GPCPD1: variants seen among roughly 807,000 people sequenced by gnomAD.
The protein encoded by GPCPD1 is glycerophosphocholine phosphodiesterase GPCPD1.
A neutral mutation model predicts 89.2 loss-of-function variants in GPCPD1; 29 were observed. The ratio of observed to expected loss-of-function variants is 0.33; its 90% CI spans 0.24 to 0.44. GPCPD1 has a LOEUF of 0.44. GPCPD1 is among the 20% of genes least tolerant of loss of function. GPCPD1 has a pLI of 1.00. For missense variants in GPCPD1, 594 were observed against 808.9 expected, an observed-to-expected ratio of 0.73 and a Z score of 3.22; for synonymous variants, 258 against 266.3, an observed-to-expected ratio of 0.97 and a Z score of 0.30.
intron 19 of GPCPD1, chr20:5,548,740 A>T (rs1415453478): frequency 8.1e-6 from 2 of 247,150 alleles, no homozygotes; most frequent in Non-Finnish European, 1.6e-5. Flanking sequence ...ATAAGAACTG[A>T]AAGTTTGTCA....
chr20:5,597,276 ATT>A (rs964464545), intron 3 of GPCPD1, among the ~76,000 whole-genome samples: 1 of 152,068 alleles, frequency 6.6e-6, no homozygotes, highest in Admixed American at 6.6e-5. Context: ...CATTACTGTT[ATT>A]TTTTTACTTT....
At chr20:5,604,805 A>ACACACACACACC (rs1195396382) in intron 1 of GPCPD1, among the ~76,000 whole-genome samples, 2 of 148,966 alleles carry the variant, frequency 1.3e-5, no homozygotes, top group African/African-American at 5.1e-5. Flanking sequence ...ACACACACAC[A>ACACACACACACC]CGCCAGGCAT....
intron 3 of GPCPD1, among the ~76,000 whole-genome samples, chr20:5,597,609 G>A (rs1023554551): frequency 2.0e-5 from 3 of 152,044 alleles, no homozygotes; most frequent in Non-Finnish European, 4.4e-5. Context: ...TCACCTAATC[G>A]GGCACTGGAT....
At chr20:5,610,556 C>T (rs1980896686) in intron 1 of GPCPD1, among the ~76,000 whole-genome samples, 1 of 152,222 alleles carries the variant, frequency 6.6e-6, no homozygotes, top group African/African-American at 2.4e-5. Flanking sequence ...CCTGCTACTC[C>T]TCAAATGCTC....
intron 4 of GPCPD1, among the ~76,000 whole-genome samples, chr20:5,588,371 G>A (rs1363336975): frequency 4.6e-5 from 7 of 151,648 alleles, no homozygotes; most frequent in Non-Finnish European, 8.8e-5. Flanking sequence ...TAGGTGTGGT[G>A]GCACACAACT....
chr20:5,586,134 TG>T (rs2122721182), intron 5 of GPCPD1, 59 bp downstream of exon 5: 1 of 777,510 alleles, frequency 1.3e-6, no homozygotes, highest in Non-Finnish European at 2.2e-6. Flanking sequence ...ACTAAGCCAT[TG>T]TGCAGCATAT....
chr20:5,602,986 T>TAAA (rs57455474), intron 2 of GPCPD1, among the ~76,000 whole-genome samples: 2 of 121,390 alleles, frequency 1.6e-5, no homozygotes, highest in Admixed American at 9.0e-5. Flanking sequence ...CCATCTCAAT[T>TAAA]AAAAAAAAAA....
chr20:5,590,521 C>A lies in GPCPD1; in HGVS notation c.231+2806G>T, dbSNP rs544101777. Among the ~76,000 whole-genome samples the A allele has an allele frequency of 5.8e-3, 462 of 80,036 alleles. 2 individuals are homozygous for A. Among genetic ancestry groups the A allele is most frequent in the African/African-American group, 0.024 (412 of 16,866 alleles). The allele number at this position is 80,036 out of a possible 152,430, so 52.5% of individuals were successfully genotyped here. On this transcript the variant is annotated intron_variant, in intron 4 of 19. Coordinates refer to ENST00000379019, the MANE Select transcript of GPCPD1 (RefSeq NM_019593.5). Reference sequence around the variant, plus strand: ...TCGTGCCACTGCACTCCAGCCTGGGCGACAGAACAAGACTCTGTCTCAAAA... The same window carrying A: ...TCGTGCCACTGCACTCCAGCCTGGGAGACAGAACAAGACTCTGTCTCAAAA...
Position 5,558,815 on chromosome 20 carries a change from G to C in GPCPD1, c.1537C>G (p.Arg513Gly), listed in dbSNP as rs770440181. The change falls in exon 18 of 20, where the codon CGG becomes GGG. Residue 513 changes from arginine (R) to glycine (G), a missense_variant. Arg to Gly is a moderately radical substitution (Grantham distance 125). Transcript: ENST00000379019. Reference sequence around the variant, plus strand: ...ATCGGATATTTGTTCTGCTTTTGCCGAACCCTGAAAAGAAACAATTTTAAA... The same window carrying C: ...ATCGGATATTTGTTCTGCTTTTGCCCAACCCTGAAAAGAAACAATTTTAAA... ...SFDADICTMVRQKQNKYPILF... is the reference protein window; with the variant it reads ...SFDADICTMVGQKQNKYPILF... 6.4e-7 allele frequency: 1 copy of C among 1,557,768 alleles called. No homozygotes were observed. Among genetic ancestry groups the C allele is most frequent in the Non-Finnish European group, 8.7e-7 (1 of 1,151,998 alleles).
chr20:5,577,490 GAA>G (rs763705757), intron 8 of GPCPD1, among the ~76,000 whole-genome samples: 3 of 59,790 alleles, frequency 5.0e-5, no homozygotes, highest in Non-Finnish European at 7.3e-5. Flanking sequence ...CCTCTCTCCA[GAA>G]AAAAAAAAAA....
At chr20:5,568,680 G>A (rs1479142119) in intron 12 of GPCPD1, among the ~76,000 whole-genome samples, 6 of 152,042 alleles carry the variant, frequency 3.9e-5, no homozygotes, top group Non-Finnish European at 7.4e-5. Flanking sequence ...TGAGATGGGC[G>A]GATCACCTGA....
At chr20:5,593,190 G>A in intron 4 of GPCPD1, 137 bp downstream of exon 4, 3 of 533,216 alleles carry the variant, frequency 5.6e-6, no homozygotes. Flanking sequence ...CTTGGTTTTG[G>A]TAAATTTTAT....
intron 19 of GPCPD1, among the ~76,000 whole-genome samples, chr20:5,554,736 A>ACTTTCAAGT (rs1985653209): frequency 6.6e-6 from 1 of 152,244 alleles, no homozygotes; most frequent in Non-Finnish European, 1.5e-5. Context: ...AGTCACTTTG[A>ACTTTCAAGT]CTTTCAAGTC....
chr20:5,575,981 G>T lies in GPCPD1; in HGVS notation c.706-3C>A. 6.5e-7 allele frequency: 1 copy of T among 1,541,140 alleles called. No individual in the cohort carries two copies. Among genetic ancestry groups the T allele is most frequent in the Non-Finnish European group, 8.9e-7 (1 of 1,125,420 alleles). ...ACTACGTGCTCACTGAGATCTTCCTGAAAAAATGAGATTTAAAATAATCTT... is the reference window on the plus strand; with the variant it reads ...ACTACGTGCTCACTGAGATCTTCCTTAAAAAATGAGATTTAAAATAATCTT... On this transcript the variant is annotated splice_region_variant and splice_polypyrimidine_tract_variant and intron_variant, in intron 8 of 19. Coordinates refer to ENST00000379019, the MANE Select transcript of GPCPD1 (RefSeq NM_019593.5).
chr20:5,569,952 C>T (rs1986612013), intron 12 of GPCPD1, among the ~76,000 whole-genome samples, 195 bp downstream of exon 12: 1 of 152,086 alleles, frequency 6.6e-6, no homozygotes, highest in South Asian at 2.1e-4. Flanking sequence ...AGACCCTACT[C>T]TAGGAAGGCA....
rs1189263610 is a variant in GPCPD1 at position 5,575,460 on chromosome 20, T to C, written c.954A>G (p.Pro318=). 6 of 1,605,858 alleles carry C rather than the reference T, an allele frequency of 3.7e-6. No homozygotes were observed. Among genetic ancestry groups the C allele is most frequent in the Non-Finnish European group, 4.3e-6 (5 of 1,172,674 alleles). ...CTGCACCTCGATGGCCAACATCCAA[T>C]GGTATTCTTGGCTTCCAATACTTGG... ...SFSKYWKPRI[P]LDVGHRGAGN... The change falls in exon 10 of 20, where the codon CCA becomes CCG. Residue 318 remains proline (P), a synonymous_variant. Transcript: ENST00000379019.
intron 3 of GPCPD1, among the ~76,000 whole-genome samples, chr20:5,596,038 T>C (rs1391599789): frequency 6.6e-6 from 1 of 152,114 alleles, no homozygotes; most frequent in African/African-American, 2.4e-5. Flanking sequence ...AACCACTAAA[T>C]GAAAACAAGA....
chr20:5,569,929 T>G (rs527316082), intron 12 of GPCPD1, among the ~76,000 whole-genome samples: 1 of 152,256 alleles, frequency 6.6e-6, no homozygotes, highest in Admixed American at 6.5e-5. Context: ...TAATAAAGTA[T>G]TTTCAGCAAT....
intron 7 of GPCPD1, among the ~76,000 whole-genome samples, chr20:5,579,106 G>A (rs571490282): frequency 3.7e-4 from 56 of 152,170 alleles, no homozygotes; most frequent in African/African-American, 1.2e-3. Context: ...GATCACTTGA[G>A]CGTGAGAGGT....
Sources: allele counts gnomAD v4.1 joint callset (sites outside exome capture counted in the v4.1 genomes callset), GRCh38; gene constraint gnomAD v4.1.1; transcripts MANE v1.5; gene names NCBI Gene and HGNC (gene_info 2026-07-23, HGNC 2026-07-21).